The following PHLDB2 variants were observed in gnomAD, a reference collection of about 807,000 sequenced individuals.
PHLDB2 encodes the protein pleckstrin homology like domain family B member 2.
In PHLDB2, 71 loss-of-function variants were observed where a neutral mutation model predicts 123.6. The observed-to-expected ratio is 0.57, with a 90% confidence interval of 0.47 to 0.70. The LOEUF (loss-of-function observed/expected upper bound fraction) is 0.70, where lower values mean the gene tolerates loss of function less well. Ranked by LOEUF, PHLDB2 falls within the 30% of genes least tolerant of loss-of-function variation. The probability of loss-of-function intolerance (pLI) is 0.00; values close to 1 mark genes in which losing one functional copy is unlikely to be tolerated. For missense variants in PHLDB2, 1,446 were observed against 1,519.5 expected, an observed-to-expected ratio of 0.95 and a Z score of 0.80; for synonymous variants, 547 against 541.6, an observed-to-expected ratio of 1.01 and a Z score of -0.14.
At chr3:111,927,523 A>G (rs2068880123) in intron 5 of PHLDB2, among the ~76,000 whole-genome samples, 1 of 152,234 alleles carries the variant, frequency 6.6e-6, no homozygotes, top group African/African-American at 2.4e-5. Flanking sequence ...GGAAATTACA[A>G]AAGTGGATTT....
chr3:111,785,546 C>T (rs745791204), intron 1 of PHLDB2, among the ~76,000 whole-genome samples: 3 of 152,066 alleles, frequency 2.0e-5, no homozygotes, highest in Admixed American at 6.6e-5. Context: ...TTTACACATA[C>T]ATTTTTAATC....
At chr3:111,963,215 C>T (rs1232765575) in intron 13 of PHLDB2, among the ~76,000 whole-genome samples, 1 of 152,126 alleles carries the variant, frequency 6.6e-6, no homozygotes, top group Middle Eastern at 3.2e-3. Flanking sequence ...ACTCTAGGTC[C>T]AGCCCAACTC....
At chr3:111,969,994 T>C (rs1559929088) in intron 16 of PHLDB2, 85 bp downstream of exon 16, 3 of 1,285,332 alleles carry the variant, frequency 2.3e-6, no homozygotes, top group African/African-American at 2.9e-5. Flanking sequence ...TCAGTGTAAA[T>C]AGGTAGGTTG....
chr3:111,822,173 G>A (rs979724587), intron 1 of PHLDB2, among the ~76,000 whole-genome samples: 1 of 151,878 alleles, frequency 6.6e-6, no homozygotes, highest in Non-Finnish European at 1.5e-5. Flanking sequence ...ACTTTTTGAT[G>A]CCAGAACCTG....
chr3:111,859,166 A>G (rs2064659218), upstream of PHLDB2: 1 of 984,620 alleles, frequency 1.0e-6, no homozygotes, highest in Non-Finnish European at 1.2e-6. Flanking sequence ...GAGTTTCCCA[A>G]TAGATACTTC....
intron 4 of PHLDB2, 89 bp from the exon 5 acceptor site, chr3:111,920,193 T>C: frequency 6.9e-7 from 1 of 1,439,346 alleles, no homozygotes; most frequent in Non-Finnish European, 9.3e-7. Context: ...TTTTGGAAAT[T>C]TGTAGCTGTT....
intron 1 of PHLDB2, among the ~76,000 whole-genome samples, chr3:111,790,556 G>A (rs953528746): frequency 6.6e-6 from 1 of 152,190 alleles, no homozygotes; most frequent in Non-Finnish European, 1.5e-5. Context: ...ACAGTGAACT[G>A]ACATGTGTTT....
In PHLDB2 at chr3:111,969,857, A is replaced by C. The variant is rs1051746520; in HGVS notation, c.3483A>C (p.Lys1161Asn). 8.7e-6 allele frequency: 14 copies of C among 1,614,110 alleles called. No individual in the cohort carries two copies. Among genetic ancestry groups the C allele is most frequent in the Non-Finnish European group, 1.2e-5 (14 of 1,179,940 alleles). Residue 1161 changes from lysine to asparagine, a missense_variant, in exon 16 of 18, where the codon AAA becomes AAC. Lys to Asn is a moderately conservative substitution (Grantham distance 94). Coordinates refer to ENST00000431670, the MANE Select transcript of PHLDB2 (RefSeq NM_001134438.2). ...IKMGGKIKTW[K>N]KRWFVFDRNK... ...TGGGTGGGAAAATTAAAACGTGGAA[A>C]AAACGTTGGTTTGTTTTTGATCGGA...
chr3:111,887,783 G>C (rs1334742955), intron 2 of PHLDB2, among the ~76,000 whole-genome samples: 1 of 151,822 alleles, frequency 6.6e-6, no homozygotes, highest in African/African-American at 2.4e-5. Context: ...TCTATTTCTA[G>C]ACTAAAAAGT....
chr3:111,735,305 G>A (rs950444938), intron 1 of PHLDB2, among the ~76,000 whole-genome samples: 3 of 152,158 alleles, frequency 2.0e-5, no homozygotes, highest in African/African-American at 7.2e-5. Flanking sequence ...TGTCGGCTTG[G>A]AGTCTAAATG....
intron 1 of PHLDB2, among the ~76,000 whole-genome samples, chr3:111,826,311 G>GA (rs11350925): frequency 1.3e-4 from 19 of 149,370 alleles, no homozygotes; most frequent in South Asian, 6.3e-4. Flanking sequence ...TTTGTCTCAA[G>GA]AAAAAAAAAA....
intron 1 of PHLDB2, among the ~76,000 whole-genome samples, chr3:111,749,404 C>T (rs973916145): frequency 6.6e-6 from 1 of 151,894 alleles, no homozygotes; most frequent in Non-Finnish European, 1.5e-5. Context: ...AAATATCAAC[C>T]GTTGGTTGAT....
At chr3:111,771,506 A>AT (rs2060176912) in intron 1 of PHLDB2, among the ~76,000 whole-genome samples, 1 of 151,710 alleles carries the variant, frequency 6.6e-6, no homozygotes, top group African/African-American at 2.4e-5. Flanking sequence ...CGCCCAGCTA[A>AT]TTTTTTGTAT....
At chr3:111,901,170 T>C (rs1203569592) in intron 2 of PHLDB2, among the ~76,000 whole-genome samples, 3 of 151,862 alleles carry the variant, frequency 2.0e-5, no homozygotes, top group Admixed American at 2.0e-4. Context: ...CCATCCTGGC[T>C]AACACGGTGA....
At chr3:111,765,904 A>G (rs1305620635) in intron 1 of PHLDB2, among the ~76,000 whole-genome samples, 1 of 39,474 alleles carries the variant, frequency 2.5e-5, no homozygotes, top group East Asian at 1.1e-3. Flanking sequence ...ACACACACAC[A>G]TACACATACA....
chr3:111,809,448 T>C (rs2061734419), intron 1 of PHLDB2, among the ~76,000 whole-genome samples: 1 of 152,226 alleles, frequency 6.6e-6, no homozygotes, highest in Non-Finnish European at 1.5e-5. Context: ...GAAAAGTCTA[T>C]CTGAAGTCCA....
At chr3:111,809,603 CT>C (rs1425534939) in intron 1 of PHLDB2, among the ~76,000 whole-genome samples, 1 of 152,160 alleles carries the variant, frequency 6.6e-6, no homozygotes, top group Non-Finnish European at 1.5e-5. Context: ...GTCTTTGACC[CT>C]GAAATATCTT....
chr3:111,959,914 A>G (rs963081479), intron 12 of PHLDB2, among the ~76,000 whole-genome samples: 1 of 152,170 alleles, frequency 6.6e-6, no homozygotes, highest in African/African-American at 2.4e-5. Context: ...AATGTCACTC[A>G]TTGCCAGAGA....
intron 10 of PHLDB2, chr3:111,949,727 T>G (rs538559613): frequency 3.9e-4 from 380 of 985,686 alleles, no homozygotes; most frequent in Non-Finnish European, 4.4e-4. Context: ...TATTCTGGAT[T>G]TGTGTTTCCT....
Sources: allele counts gnomAD v4.1 joint callset (sites outside exome capture counted in the v4.1 genomes callset), GRCh38; gene constraint gnomAD v4.1.1; transcripts MANE v1.5; gene names NCBI Gene and HGNC (gene_info 2026-07-23, HGNC 2026-07-21).